The following RCOR1 variants were observed in gnomAD, a reference collection of about 807,000 sequenced individuals.
RCOR1 encodes the protein REST corepressor 1, also known as REST corepressor.
Under a neutral mutation model 64.0 loss-of-function variants are expected in RCOR1, and 12 were observed. The ratio of observed to expected loss-of-function variants is 0.19; its 90% CI spans 0.12 to 0.30. The LOEUF (loss-of-function observed/expected upper bound fraction) is 0.30. Among genes scored for constraint, RCOR1 ranks in the 10% least tolerant of loss-of-function variants. The pLI, the probability that RCOR1 is intolerant of heterozygous loss-of-function variation, is 1.00. For missense variants in RCOR1, 502 were observed against 621.2 expected (o/e 0.81, Z 2.04); for synonymous variants, 279 against 227.2 (o/e 1.23, Z -2.05).
At chr14:102,702,485 CAT>C (rs1895772760) in intron 4 of RCOR1, among the ~76,000 whole-genome samples, 1 of 149,432 alleles carries the variant, frequency 6.7e-6, no homozygotes, top group African/African-American at 2.4e-5. Context: ...ATATATATAA[CAT>C]ATAAATATAT....
At chr14:102,654,004 G>T (rs1227753110) in intron 2 of RCOR1, among the ~76,000 whole-genome samples, 14 of 13,810 alleles carry the variant, frequency 1.0e-3, no homozygotes, top group East Asian at 5.3e-3. Context: ...TTTTTTTTTT[G>T]AGACGGAGTC....
At chr14:102,631,569 A>C (rs1029027946) in intron 2 of RCOR1, among the ~76,000 whole-genome samples, 1 of 152,068 alleles carries the variant, frequency 6.6e-6, no homozygotes, top group African/African-American at 2.4e-5. Flanking sequence ...ACAGACATAA[A>C]CTGGAACTGT....
intron 3 of RCOR1, among the ~76,000 whole-genome samples, chr14:102,687,854 A>G (rs10140498): frequency 0.24 from 35,769 of 152,112 alleles, 4,731 homozygotes; most frequent in East Asian, 0.38. Context: ...GGTAGAAACA[A>G]AGAGTTGAAG....
At chr14:102,610,909 A>G (rs1893618718) in intron 2 of RCOR1, among the ~76,000 whole-genome samples, 1 of 152,064 alleles carries the variant, frequency 6.6e-6, no homozygotes, top group Admixed American at 6.6e-5. Flanking sequence ...TCTTTTGTCA[A>G]GTGCATGAAA....
chr14:102,617,972 CTTT>C (rs71305077), intron 2 of RCOR1, among the ~76,000 whole-genome samples: 4 of 122,548 alleles, frequency 3.3e-5, no homozygotes, highest in Non-Finnish European at 3.4e-5. Context: ...TTTTTTTTTT[CTTT>C]TTTTTTTTTT....
chr14:102,717,468 A>G (rs1265782534), intron 8 of RCOR1, among the ~76,000 whole-genome samples: 1 of 152,180 alleles, frequency 6.6e-6, no homozygotes, highest in African/African-American at 2.4e-5. Flanking sequence ...GCTGCACTCT[A>G]ATCTTAGGAG....
intron 2 of RCOR1, among the ~76,000 whole-genome samples, chr14:102,675,859 A>G (rs1001495397): frequency 6.6e-6 from 1 of 152,150 alleles, no homozygotes; most frequent in Non-Finnish European, 1.5e-5. Context: ...AGAGTGTCGT[A>G]TGAATGAACT....
At chr14:102,676,090 A>G (rs1895142753) in intron 2 of RCOR1, among the ~76,000 whole-genome samples, 1 of 151,330 alleles carries the variant, frequency 6.6e-6, no homozygotes, top group African/African-American at 2.4e-5. Flanking sequence ...AACAAAATGA[A>G]AAGTCTCCCA....
At position 102,667,063 on chromosome 14, in the gene RCOR1, C is replaced by T. The variant is rs561739083; in HGVS notation, c.362-14832C>T. On this transcript the variant is annotated intron_variant, in intron 2 of 11. Coordinates refer to ENST00000262241, the MANE Select transcript of RCOR1 (RefSeq NM_015156.4). ...CAGAATTATGTTCCAGGGCCAGGCA[C>T]GGTGGCTCATGCCCATAATTCCAGC... 7.2e-5 allele frequency among the ~76,000 whole-genome samples: 11 copies of T among 152,186 alleles called. 1 individual carries two copies. Among genetic ancestry groups the T allele is most frequent in the Middle Eastern group, 6.8e-3 (2 of 292 alleles).
chr14:102,695,345 C>G (rs1007778874), intron 3 of RCOR1: 4 of 152,054 alleles, frequency 2.6e-5, no homozygotes, highest in South Asian at 2.1e-4. Flanking sequence ...TCTGAAGAGC[C>G]CTTCTGCCTC....
intron 2 of RCOR1, among the ~76,000 whole-genome samples, chr14:102,611,319 T>G (rs1893629550): frequency 6.6e-6 from 1 of 152,014 alleles, no homozygotes; most frequent in African/African-American, 2.4e-5. Context: ...TCCTCCCACT[T>G]TGGCCTCCCA....
At chr14:102,692,667 GAAT>G (rs1192023934) in intron 3 of RCOR1, among the ~76,000 whole-genome samples, 11 of 150,548 alleles carry the variant, frequency 7.3e-5, no homozygotes, top group Non-Finnish European at 1.5e-5. Flanking sequence ...TTTTGATCCT[GAAT>G]AATATCACAT....
intron 2 of RCOR1, among the ~76,000 whole-genome samples, chr14:102,677,168 C>T (rs1401988201): frequency 7.0e-6 from 1 of 142,250 alleles, no homozygotes; most frequent in Non-Finnish European, 1.6e-5. Context: ...CTGACCCCCC[C>T]CCACCTCCCT....
intron 2 of RCOR1, among the ~76,000 whole-genome samples, chr14:102,655,026 G>A (rs1475074398): frequency 1.3e-5 from 2 of 150,652 alleles, no homozygotes; most frequent in Admixed American, 6.6e-5. Context: ...GCCCAGGGTG[G>A]TCTCAAACTC....
chr14:102,607,148 G>T (rs146819503), intron 2 of RCOR1, among the ~76,000 whole-genome samples: 6 of 152,052 alleles, frequency 3.9e-5, no homozygotes, highest in Admixed American at 1.3e-4. Flanking sequence ...GGTCAGGCTG[G>T]TCTCGAACTT....
At chr14:102,638,782 C>A (rs756071323) in intron 2 of RCOR1, among the ~76,000 whole-genome samples, 2 of 152,090 alleles carry the variant, frequency 1.3e-5, no homozygotes, top group Non-Finnish European at 2.9e-5. Context: ...ATTCTGCTGT[C>A]TCAGTGAGTA....
In RCOR1 at chr14:102,624,731, A is replaced by C. The variant is rs149663315; in HGVS notation, c.361+31406A>C. On this transcript the variant is annotated intron_variant, in intron 2 of 11. Transcript: ENST00000262241. The stretch of plus-strand genomic sequence containing the variant: ...CAGTGAGCTGAGATCTTACCCCTAC[A>C]CTCCAGCCTGGGTGATAGGACGAGA... Among the ~76,000 whole-genome samples the C allele has an allele frequency of 3.4e-4, 51 of 147,906 alleles. No homozygotes were observed. In the East Asian group the frequency reaches 8.9e-3, roughly 26 times the overall value.
chr14:102,712,205 C>T (rs1278737968), intron 7 of RCOR1, among the ~76,000 whole-genome samples: 1 of 151,876 alleles, frequency 6.6e-6, no homozygotes, highest in Non-Finnish European at 1.5e-5. Flanking sequence ...GTTTTTGAGA[C>T]AGTCTCTCAC....
chr14:102,707,092 C>T (rs932268339), intron 4 of RCOR1, among the ~76,000 whole-genome samples: 15 of 151,890 alleles, frequency 9.9e-5, no homozygotes, highest in Non-Finnish European at 1.8e-4. Context: ...AATTGCTTCA[C>T]TCTTTCTTGA....
Sources: allele counts gnomAD v4.1 joint callset (sites outside exome capture counted in the v4.1 genomes callset), GRCh38; gene constraint gnomAD v4.1.1; transcripts MANE v1.5; gene names NCBI Gene and HGNC (gene_info 2026-07-23, HGNC 2026-07-21).